PCDH11X: variants seen among roughly 807,000 people sequenced by gnomAD.
The protein encoded by PCDH11X is protocadherin-11 X-linked.
In PCDH11X, 18 loss-of-function variants were observed where a neutral mutation model predicts 53.3. The ratio of observed to expected loss-of-function variants is 0.34; its 90% CI spans 0.23 to 0.50. The LOEUF (loss-of-function observed/expected upper bound fraction) is 0.50. Ranked by LOEUF, PCDH11X falls within the 20% of genes least tolerant of loss-of-function variation. PCDH11X has a pLI of 0.98. For missense variants in PCDH11X, 570 were observed against 1,032.4 expected (o/e 0.55, Z 6.14); for synonymous variants, 279 against 393.3 (o/e 0.71, Z 3.44).
At chrX:91,979,161 A>G (rs1265435259) in intron 6 of PCDH11X, among the ~76,000 whole-genome samples, 1 of 109,196 alleles carries the variant, frequency 9.2e-6, no homozygotes, top group Non-Finnish European at 1.9e-5. Context: ...ACAGGGTATC[A>G]GTTGTGAATA....
intron 9 of PCDH11X, among the ~76,000 whole-genome samples, chrX:92,429,425 T>C (rs1201392864): frequency 9.1e-6 from 1 of 110,047 alleles, no homozygotes; most frequent in Non-Finnish European, 1.9e-5. Flanking sequence ...GTTACTAGTA[T>C]CTGCCATACA....
At chrX:92,077,750 A>T (rs12835318) in intron 6 of PCDH11X, among the ~76,000 whole-genome samples, 4,276 of 110,832 alleles carry the variant, frequency 0.039, 208 homozygotes, top group African/African-American at 0.13. Flanking sequence ...AGTAAGAAAC[A>T]TATAGGAGTA....
intron 6 of PCDH11X, among the ~76,000 whole-genome samples, chrX:91,897,463 C>A (rs1940791892): frequency 2.1e-5 from 2 of 95,522 alleles, no homozygotes; most frequent in Middle Eastern, 0.011. Flanking sequence ...TTCTACCTAG[C>A]CTGATTAGAC....
chrX:91,793,540 G>A (rs1935631704), intron 1 of PCDH11X, among the ~76,000 whole-genome samples: 1 of 110,598 alleles, frequency 9.0e-6, no homozygotes, highest in South Asian at 3.8e-4. Flanking sequence ...AAATAAGGAT[G>A]TTATCAGATT....
At chrX:91,810,927 G>A (rs1366315474) in intron 3 of PCDH11X, among the ~76,000 whole-genome samples, 2 of 111,832 alleles carry the variant, frequency 1.8e-5, no homozygotes, top group Admixed American at 1.9e-4. Context: ...AATGATCCAA[G>A]GAATAATAGC....
At chrX:91,875,667 C>A (rs1939577707) in intron 5 of PCDH11X, among the ~76,000 whole-genome samples, 2 of 109,982 alleles carry the variant, frequency 1.8e-5, no homozygotes, top group Admixed American at 1.9e-4. Flanking sequence ...TCCGAAGCTA[C>A]CTTTTTCAAT....
At chrX:92,086,814 T>G (rs1011703517) in intron 6 of PCDH11X, among the ~76,000 whole-genome samples, 1 of 111,021 alleles carries the variant, frequency 9.0e-6, no homozygotes, top group Non-Finnish European at 1.9e-5. Flanking sequence ...ACAATACTTT[T>G]GAGGGTAAAC....
At chrX:92,463,303 C>T (rs964936640) in intron 9 of PCDH11X, among the ~76,000 whole-genome samples, 1 of 111,284 alleles carries the variant, frequency 9.0e-6, no homozygotes, top group Non-Finnish European at 1.9e-5. Context: ...TTGATGTGAA[C>T]ATGAGGGGGT....
chrX:92,280,784 T>TA (rs1346936353), intron 8 of PCDH11X, among the ~76,000 whole-genome samples: 3 of 108,626 alleles, frequency 2.8e-5, no homozygotes, highest in African/African-American at 1.0e-4. Context: ...ATCAAATATA[T>TA]TTTTTTTAAA....
chrX:92,411,836 G>A (rs750227765), intron 9 of PCDH11X, among the ~76,000 whole-genome samples: 1 of 101,518 alleles, frequency 9.9e-6, no homozygotes, highest in East Asian at 3.2e-4. Flanking sequence ...TATGCTATTG[G>A]TGTAAAATTT....
chrX:92,163,710 G>A (rs1358921104), intron 6 of PCDH11X, among the ~76,000 whole-genome samples: 1 of 111,080 alleles, frequency 9.0e-6, no homozygotes. Flanking sequence ...TCCTGCAGGA[G>A]CAATCCACTT....
At chrX:91,860,368 T>C (rs951042244) in intron 5 of PCDH11X, among the ~76,000 whole-genome samples, 17 of 106,705 alleles carry the variant, frequency 1.6e-4, no homozygotes, top group Non-Finnish European at 1.5e-4. Flanking sequence ...GCTTTTGGGC[T>C]GAGACAATGG....
At chrX:92,462,378 C>A (rs2148657820) in intron 9 of PCDH11X, among the ~76,000 whole-genome samples, 1 of 110,800 alleles carries the variant, frequency 9.0e-6, no homozygotes, top group Admixed American at 9.6e-5. Flanking sequence ...CTTTACAAAT[C>A]AATTTCACTG....
chrX:92,231,353 A>G (rs1036291948), intron 7 of PCDH11X, among the ~76,000 whole-genome samples: 4 of 111,956 alleles, frequency 3.6e-5, no homozygotes, highest in African/African-American at 1.3e-4. Context: ...TAATTTTTAT[A>G]TGCAAGATTT....
intron 6 of PCDH11X, among the ~76,000 whole-genome samples, chrX:91,961,643 C>T (rs1384703265): frequency 9.2e-6 from 1 of 108,410 alleles, no homozygotes; most frequent in Non-Finnish European, 1.9e-5. Context: ...AGATCAGATG[C>T]ATTTCTATAC....
intron 6 of PCDH11X, among the ~76,000 whole-genome samples, chrX:92,167,993 T>A (rs1603095860): frequency 9.6e-6 from 1 of 103,921 alleles, no homozygotes. Flanking sequence ...GAATCCTTTT[T>A]CTGGAGTGCG....
chrX:92,397,933 T>C (rs965441501), intron 9 of PCDH11X, among the ~76,000 whole-genome samples: 62 of 111,543 alleles, frequency 5.6e-4, no homozygotes, highest in African/African-American at 2.0e-3. Flanking sequence ...ACAGGATACA[T>C]TGAAAAATTT....
intron 6 of PCDH11X, among the ~76,000 whole-genome samples, chrX:91,932,455 G>A (rs1220845580): frequency 4.0e-5 from 4 of 99,483 alleles, no homozygotes; most frequent in African/African-American, 7.4e-5. Flanking sequence ...AGATAAAGTG[G>A]AGAAACATGG....
chrX:91,916,754 C>G (rs866041792), intron 6 of PCDH11X, among the ~76,000 whole-genome samples: 8 of 110,829 alleles, frequency 7.2e-5, no homozygotes, highest in African/African-American at 2.3e-4. Context: ...AGAATTGGTA[C>G]AAATTTTACT....
Sources: allele counts gnomAD v4.1 joint callset (sites outside exome capture counted in the v4.1 genomes callset), GRCh38; gene constraint gnomAD v4.1.1; transcripts MANE v1.5; gene names NCBI Gene and HGNC (gene_info 2026-07-23, HGNC 2026-07-21).